Variants in PAWR observed in about 807,000 individuals in gnomAD.
PAWR encodes the protein PRKC apoptosis WT1 regulator protein.
A neutral mutation model predicts 32.0 loss-of-function variants in PAWR; 23 were observed. The ratio of observed to expected loss-of-function variants is 0.72; its 90% CI spans 0.52 to 1.02. The LOEUF (loss-of-function observed/expected upper bound fraction) is 1.02. PAWR is among the 50% of genes least tolerant of loss of function. The pLI is 0.00. For missense variants in PAWR, 457 were observed against 437.7 expected, an observed-to-expected ratio of 1.04 and a Z score of -0.39; for synonymous variants, 226 against 187.1, an observed-to-expected ratio of 1.21 and a Z score of -1.70.
chr12:79,632,347 ATATATATATATATATT>A lies in PAWR; in HGVS notation c.517-11156_517-11141del, dbSNP rs1566011093. The stretch of plus-strand genomic sequence containing the variant: ...TATATATATATATATATATATATAT[ATATATATATATATATT>A]TTTTTTTTTTTTTAGACAGGGTCTT... On this transcript the variant is annotated intron_variant, in intron 2 of 6. Coordinates refer to ENST00000328827, the MANE Select transcript of PAWR (RefSeq NM_002583.4). Among the ~76,000 whole-genome samples, 56 of 49,522 alleles carry A rather than the reference ATATATATATATATATT, an allele frequency of 1.1e-3. 1 individual carries two copies. The highest frequency in any genetic ancestry group is 1.8e-3 in the East Asian group (3 of 1,708). The allele number at this position is 49,522 out of a possible 152,430, so 32.5% of individuals were successfully genotyped here.
rs979166463 is a variant in PAWR, at chr12:79,664,793, AT to A, written c.516+24935del. 4.6e-3 allele frequency among the ~76,000 whole-genome samples: 667 copies of A among 144,730 alleles called. 11 individuals are homozygous for A. The highest frequency in any genetic ancestry group is 0.014 in the African/African-American group (540 of 39,648). 94.9% of individuals were successfully genotyped at this position (144,730 alleles called of 152,430 possible). On this transcript the variant is annotated intron_variant, in intron 2 of 6. Transcript: ENST00000328827. Reference sequence around the variant, plus strand: ...CGGATATGCGTCATCATGTCTGGCTATTTTTTTTTTTTAAAGTTCCAAGGCC... The same window carrying A: ...CGGATATGCGTCATCATGTCTGGCTATTTTTTTTTTTAAAGTTCCAAGGCC...
intron 3 of PAWR, among the ~76,000 whole-genome samples, chr12:79,613,968 TATATATATATA>T (rs1254921981): frequency 3.5e-3 from 35 of 9,880 alleles, no homozygotes; most frequent in African/African-American, 0.018. Flanking sequence ...TATATATATA[TATATATATATA>T]TTTTTTTTTT....
intron 2 of PAWR, among the ~76,000 whole-genome samples, chr12:79,676,282 A>G (rs916484542): frequency 2.0e-5 from 3 of 152,138 alleles, no homozygotes; most frequent in Non-Finnish European, 4.4e-5. Context: ...CAGAAATACA[A>G]ATACCTTTCT....
chr12:79,670,587 T>C (rs1877842022), intron 2 of PAWR, among the ~76,000 whole-genome samples: 1 of 152,168 alleles, frequency 6.6e-6, no homozygotes, highest in South Asian at 2.1e-4. Context: ...GAAAAAATAA[T>C]TCCTGAGACA....
In PAWR at chr12:79,689,743, T is replaced by A. The variant is rs1259582015; in HGVS notation, c.502A>T (p.Ile168Phe). ...EKRRSTGVVN[I>F]PAAECLDEYE... ...GCCCGGCTCACCTCTGCGGCAGGGA[T>A]GTTGACCACGCCGGTGGAGCGCCGC... Residue 168 changes from isoleucine to phenylalanine, a missense_variant, in exon 2 of 7, where the codon ATC becomes TTC. Coordinates refer to ENST00000328827, the MANE Select transcript of PAWR (RefSeq NM_002583.4). 1.9e-6 allele frequency: 3 copies of A among 1,566,446 alleles called. No individual in the cohort carries two copies. Among genetic ancestry groups the A allele is most frequent in the Admixed American group, 1.8e-5 (1 of 54,280 alleles).
intron 2 of PAWR, among the ~76,000 whole-genome samples, chr12:79,650,865 T>C (rs1204632878): frequency 1.3e-5 from 2 of 152,202 alleles, no homozygotes; most frequent in African/African-American, 4.8e-5. Context: ...ATGCATGCCA[T>C]TATCCTTCAA....
In PAWR at chr12:79,596,380, A is replaced by C. The variant is rs921189243; in HGVS notation, c.831+131T>G. On this transcript the variant is annotated intron_variant, in intron 5 of 6. Coordinates refer to ENST00000328827, the MANE Select transcript of PAWR (RefSeq NM_002583.4). The stretch of plus-strand genomic sequence containing the variant: ...CAAGGGCTTTTAATATACTAAAGGT[A>C]ACAGTTGGCAGAAAAGCGCACATAT... 2.2e-5 allele frequency: 12 copies of C among 553,324 alleles called. No homozygotes were observed. The Admixed American group carries it at 2.2e-4, about 10-fold the overall frequency. 34.3% of individuals were successfully genotyped at this position (553,324 alleles called of 1,614,324 possible).
Position 79,624,316 on chromosome 12 carries a change from AT to A in PAWR, c.517-3110del, listed in dbSNP as rs375091620. On this transcript the variant is annotated intron_variant, in intron 2 of 6. Transcript: ENST00000328827. ...CTCAACTAGACTCCCTTACCAGTAT[AT>A]TAAAAGAAAAAAGAAAGGAAGAAAC... 3.9e-4 allele frequency among the ~76,000 whole-genome samples: 60 copies of A among 152,234 alleles called. 2 individuals are homozygous for A. Among genetic ancestry groups the A allele is most frequent in the African/African-American group, 1.4e-3 (60 of 41,526 alleles).
At chr12:79,612,186 G>T (rs1433237343) in intron 4 of PAWR, among the ~76,000 whole-genome samples, 2 of 152,048 alleles carry the variant, frequency 1.3e-5, no homozygotes, top group African/African-American at 2.4e-5. Flanking sequence ...ACGAAAGCAG[G>T]TTTCATTATA....
chr12:79,673,197 G>A (rs1877995665), intron 2 of PAWR, among the ~76,000 whole-genome samples: 1 of 151,950 alleles, frequency 6.6e-6, no homozygotes, highest in South Asian at 2.1e-4. Flanking sequence ...AGCCTCCCGA[G>A]TAGCTGGGAC....
intron 3 of PAWR, among the ~76,000 whole-genome samples, chr12:79,619,409 G>T (rs1874894523): frequency 6.6e-6 from 1 of 152,048 alleles, no homozygotes; most frequent in Non-Finnish European, 1.5e-5. Context: ...TAAGTAAAAA[G>T]GTGAAAATTC....
At chr12:79,683,930 G>A (rs559437443) in intron 2 of PAWR, among the ~76,000 whole-genome samples, 56 of 152,218 alleles carry the variant, frequency 3.7e-4, no homozygotes, top group African/African-American at 1.3e-3. Flanking sequence ...TGTAAAGTGG[G>A]AAAGGCTGAT....
intron 6 of PAWR, among the ~76,000 whole-genome samples, chr12:79,593,700 G>GATTTTTTTTTTTTTTTTTT (rs1278954828): frequency 1.4e-5 from 2 of 145,254 alleles, no homozygotes; most frequent in Non-Finnish European, 1.5e-5. Flanking sequence ...CCAATTTTAG[G>GATTTTTTTTTTTTTTTTTT]GTTTTTTTTT....
At chr12:79,627,005 T>A (rs931596641) in intron 2 of PAWR, among the ~76,000 whole-genome samples, 1 of 152,174 alleles carries the variant, frequency 6.6e-6, no homozygotes. Flanking sequence ...GATATTTAGG[T>A]TGGTTCCAAG....
chr12:79,640,859 G>C (rs142096364), intron 2 of PAWR, among the ~76,000 whole-genome samples: 5 of 152,310 alleles, frequency 3.3e-5, no homozygotes, highest in Admixed American at 6.5e-5. Flanking sequence ...AAGAAACTAT[G>C]TCCTATAATA....
At chr12:79,632,773 C>T (rs144174920) in intron 2 of PAWR, among the ~76,000 whole-genome samples, 1 of 151,930 alleles carries the variant, frequency 6.6e-6, no homozygotes, top group African/African-American at 2.4e-5. Context: ...CATATATACC[C>T]TCCCACTAAA....
At chr12:79,679,037 A>G (rs1878311074) in intron 2 of PAWR, among the ~76,000 whole-genome samples, 1 of 152,142 alleles carries the variant, frequency 6.6e-6, no homozygotes, top group South Asian at 2.1e-4. Flanking sequence ...TGCTGAGATA[A>G]CAGGTGAAAG....
At position 79,633,182 on chromosome 12, in the gene PAWR, G is replaced by T. The variant is rs529748641; in HGVS notation, c.517-11975C>A. On this transcript the variant is annotated intron_variant, in intron 2 of 6. Coordinates refer to ENST00000328827, the MANE Select transcript of PAWR (RefSeq NM_002583.4). ...AAAACTATCAAAATTAAAAACTTTT[G>T]CTATTCAAAAAATAGTTAAGGAAAT... 2.6e-5 allele frequency among the ~76,000 whole-genome samples: 4 copies of T among 152,040 alleles called. No individual in the cohort carries two copies. In the South Asian group the frequency reaches 8.3e-4, roughly 32 times the overall value.
At chr12:79,639,856 CTATTCCTATTCCTATTCCTATTCCT>C (rs1876206550) in intron 2 of PAWR, among the ~76,000 whole-genome samples, 2 of 121,210 alleles carry the variant, frequency 1.7e-5, no homozygotes, top group South Asian at 2.7e-4. Context: ...ATTCCTATTC[CTATTCCTATTCCTATTCCTATTCCT>C]ATTCCATTCC....
Sources: gnomAD v4.1 joint callset for allele counts (sites outside exome capture counted in the v4.1 genomes callset) on GRCh38, gnomAD v4.1.1 for gene constraint, MANE v1.5 for transcripts, NCBI Gene and HGNC (gene_info 2026-07-23, HGNC 2026-07-21) for gene names.